The following NISCH variants were observed in gnomAD, a reference collection of about 807,000 sequenced individuals.
The protein encoded by NISCH is nischarin.
In NISCH, 55 loss-of-function variants were observed where a neutral mutation model predicts 138.4. The ratio of observed to expected loss-of-function variants is 0.40; its 90% confidence interval spans 0.32 to 0.50. NISCH has a LOEUF of 0.50. Ranked by LOEUF, NISCH falls within the 20% of genes least tolerant of loss-of-function variation. The pLI, the probability that NISCH is intolerant of heterozygous loss-of-function variation, is 0.71. For synonymous variants in NISCH, 860 were observed against 861.5 expected (o/e 1.00, Z 0.03); for missense variants, 1,643 against 2,005.5 (o/e 0.82, Z 3.45).
At chr3:52,491,798 C>G in intron 20 of NISCH, 74 bp from the exon 21 acceptor site, 1 of 1,508,804 alleles carries the variant, frequency 6.6e-7, no homozygotes, top group East Asian at 2.3e-5. Context: ...TCTCGGTTGG[C>G]TTGGGGCCCT....
chr3:52,487,881 G>T lies in NISCH; in HGVS notation c.2389G>T (p.Ala797Ser), dbSNP rs142256480. ...SENTLFIISD[A>S]ANLHEFHADL... The stretch of plus-strand genomic sequence containing the variant: ...GAACACGCTCTTCATTATCTCGGAC[G>T]CCGCCAACCTGCACGAGTTCCACGC... Residue 797 changes from alanine to serine, a missense_variant, in exon 16 of 21, where the codon GCC becomes TCC. Ala to Ser is a moderately conservative substitution (Grantham distance 99). Coordinates refer to ENST00000345716, the MANE Select transcript of NISCH (RefSeq NM_007184.4). The surrounding 1 kb of genome is among the most constrained non-coding windows in gnomAD (Gnocchi z 9.1). 1.9e-6 allele frequency: 3 copies of T among 1,612,256 alleles called. No individual in the cohort carries two copies. In the African/African-American group the frequency reaches 4.0e-5, roughly 22 times the overall value.
intron 2 of NISCH, among the ~76,000 whole-genome samples, chr3:52,458,334 T>C (rs1706533882): frequency 6.6e-6 from 1 of 152,218 alleles, no homozygotes; most frequent in Non-Finnish European, 1.5e-5. Context: ...GCAGCATAAC[T>C]GTTTTAAAGA....
At chr3:52,476,916 C>T (rs901827374) in intron 8 of NISCH, among the ~76,000 whole-genome samples, 1 of 152,126 alleles carries the variant, frequency 6.6e-6, no homozygotes, top group Non-Finnish European at 1.5e-5. Flanking sequence ...CACCTGTAAT[C>T]CCAGCTACTT....
chr3:52,466,014 T>C (rs1706769509), intron 3 of NISCH, among the ~76,000 whole-genome samples: 2 of 152,248 alleles, frequency 1.3e-5, no homozygotes, highest in Non-Finnish European at 2.9e-5. Flanking sequence ...CTTTTCAAAA[T>C]TTGGAATCAG....
rs779409445 is a variant in NISCH at position 52,487,551 on chromosome 3, C to T, written c.2059C>T (p.Arg687Cys). 12 of 1,610,186 alleles carry T rather than the reference C, an allele frequency of 7.5e-6. No homozygotes were observed. The highest frequency in any genetic ancestry group is 1.1e-5 in the South Asian group (1 of 90,934). ...EEEDEEAEEE[R>C]LALEWALGAD... ...GGAGGATGAAGAGGCCGAGGAGGAG[C>T]GCCTGGCTCTGGAATGGGCCCTGGG... Residue 687 changes from arginine (R) to cysteine (C), a missense_variant, in exon 16 of 21, where the codon CGC (arginine) becomes TGC (cysteine). Physicochemically the swap from Arg to Cys is radical, Grantham distance 180. Coordinates refer to ENST00000345716, the MANE Select transcript of NISCH (RefSeq NM_007184.4). The surrounding 1 kb of genome is among the most constrained non-coding windows in gnomAD (Gnocchi z 9.1).
chr3:52,455,646 C>A lies in NISCH; in HGVS notation c.5C>A (p.Ala2Glu). 1 of 1,338,838 alleles carries A rather than the reference C, an allele frequency of 7.5e-7. No homozygotes were observed. The highest frequency in any genetic ancestry group is 9.6e-7 in the Non-Finnish European group (1 of 1,036,908). 82.9% of individuals were successfully genotyped at this position (1,338,838 alleles called of 1,614,324 possible). A position where few individuals can be genotyped will look rare whatever the true frequency, so the allele number is the denominator to read the frequency against. ...GGTGGCGGCGGAGACCCGAACATGG[C>A]GACCGCGCGCACCTTCGGGCCCGAG... M[A>E]TARTFGPERE... Residue 2 changes from alanine to glutamate, a missense_variant, in exon 1 of 21, where the codon GCG (alanine) becomes GAG (glutamate). Physicochemically the swap from Ala to Glu is moderately radical, Grantham distance 107. Coordinates refer to ENST00000345716, the MANE Select transcript of NISCH (RefSeq NM_007184.4).
At chr3:52,461,009 A>C (rs1706616831) in intron 3 of NISCH, among the ~76,000 whole-genome samples, 1 of 152,074 alleles carries the variant, frequency 6.6e-6, no homozygotes, top group Admixed American at 6.6e-5. Flanking sequence ...GAAGGCCCAG[A>C]CAGGCAGATC....
chr3:52,488,411 G>A lies in NISCH; in HGVS notation c.2919G>A (p.Glu973=). ...CCTTTGCTGATGGCCACGTGCTAGA[G>A]CTGCTCGTGGGGTACCGCTTTGTCA... The part of the protein sequence containing the change: ...RGAFADGHVL[E]LLVGYRFVTA... The change falls in exon 16 of 21, where the codon GAG becomes GAA. Residue 973 remains glutamate, a synonymous_variant. Transcript: ENST00000345716. 1 of 1,613,818 alleles carries A rather than the reference G, an allele frequency of 6.2e-7. No individual in the cohort carries two copies. The highest frequency in any genetic ancestry group is 8.5e-7 in the Non-Finnish European group (1 of 1,180,018).
chr3:52,465,327 T>C (rs1336601542), intron 3 of NISCH, among the ~76,000 whole-genome samples: 1 of 150,066 alleles, frequency 6.7e-6, no homozygotes, highest in Non-Finnish European at 1.5e-5. Context: ...ATGGGGTTTC[T>C]CCATGTTGCC....
rs1412383320 is a variant in NISCH, at chr3:52,492,620, G to A, written c.*138G>A. 10 of 1,120,872 alleles carry A rather than the reference G, an allele frequency of 8.9e-6. No homozygotes were observed. Among genetic ancestry groups the A allele is most frequent in the Admixed American group, 2.9e-5 (1 of 34,554 alleles). The allele number at this position is 1,120,872 out of a possible 1,614,324, so 69.4% of individuals were successfully genotyped here. On this transcript the variant is annotated 3_prime_UTR_variant, in exon 21 of 21. Coordinates refer to ENST00000345716, the MANE Select transcript of NISCH (RefSeq NM_007184.4). ...GTCCTCGCAGAGAATGTGAACATGT[G>A]TGTGTGTTGTGTTAATTCTTTCTCA...
In NISCH at chr3:52,471,804, G is replaced by A. The variant is rs751807192; in HGVS notation, c.410-10G>A. The A allele has an allele frequency of 6.2e-7, 1 of 1,613,924 alleles. No homozygotes were observed. The highest frequency in any genetic ancestry group is 2.2e-5 in the East Asian group (1 of 44,882). ...CTGGACACTTATCCTTCAGGGCATG[G>A]CTCTTGCAGGAGAACAGCTCCTGGG... On this transcript the variant is annotated splice_polypyrimidine_tract_variant and intron_variant, in intron 4 of 20. Coordinates refer to ENST00000345716, the MANE Select transcript of NISCH (RefSeq NM_007184.4).
At chr3:52,476,313 C>A in intron 7 of NISCH, 134 bp from the exon 8 acceptor site, 1 of 916,048 alleles carries the variant, frequency 1.1e-6, no homozygotes, top group Non-Finnish European at 1.7e-6. Context: ...GAACCAAAGG[C>A]ATGCTTTAAT....
intron 13 of NISCH, chr3:52,484,206 G>T: frequency 3.0e-6 from 1 of 330,354 alleles, no homozygotes; most frequent in African/African-American, 2.1e-5. Context: ...ATCTATCCTG[G>T]TTTTTAAAAA....
chr3:52,485,847 G>C lies in NISCH; in HGVS notation c.1703+20G>C. ...TGCAAGGTAAGGAAGAGGTTGGAAA[G>C]GGACCTGGGCCTGGCCACACAGCCT... On this transcript the variant is annotated intron_variant, in intron 15 of 20. Coordinates refer to ENST00000345716, the MANE Select transcript of NISCH (RefSeq NM_007184.4). The C allele has an allele frequency of 6.4e-7, 1 of 1,568,858 alleles. No homozygotes were observed. Among genetic ancestry groups the C allele is most frequent in the Non-Finnish European group, 8.7e-7 (1 of 1,155,580 alleles).
Position 52,489,566 on chromosome 3 carries a change from C to A in NISCH, c.3344C>A (p.Thr1115Asn). The change falls in exon 17 of 21, where the codon ACC becomes AAC. Residue 1115 changes from threonine (T) to asparagine (N), a missense_variant. Thr to Asn is a moderately conservative substitution (Grantham distance 65, BLOSUM62 0). Coordinates refer to ENST00000345716, the MANE Select transcript of NISCH (RefSeq NM_007184.4). ...QYPSEHLIQA[T>N]SEENQIPSHL... is the part of the protein sequence containing the mutation. ...CCGAGTGAGCACCTCATCCAGGCCACCTCGGAGGAGAATCAGATCCCCTCG... is the reference window on the plus strand; with the variant it reads ...CCGAGTGAGCACCTCATCCAGGCCAACTCGGAGGAGAATCAGATCCCCTCG... 6.2e-7 allele frequency: 1 copy of A among 1,613,290 alleles called. No individual in the cohort carries two copies. Among genetic ancestry groups the A allele is most frequent in the Non-Finnish European group, 8.5e-7 (1 of 1,179,996 alleles).
rs900048752 is a variant in NISCH, at chr3:52,471,897, A to G, written c.493A>G (p.Lys165Glu). 1 of 1,613,204 alleles carries G rather than the reference A, an allele frequency of 6.2e-7. No individual in the cohort carries two copies. The highest frequency in any genetic ancestry group is 1.3e-5 in the African/African-American group (1 of 74,918). ...YAVTEQLQQGKPTCASGDAKT... is the reference protein window; with the variant it reads ...YAVTEQLQQGEPTCASGDAKT... The stretch of plus-strand genomic sequence containing the variant: ...CGTCACGGAGCAGCTGCAGCAGGGA[A>G]AGCCCACGTGCGCCAGTGGGGATGC... The change falls in exon 5 of 21, where the codon AAG becomes GAG. Residue 165 changes from lysine to glutamate, a missense_variant. Coordinates refer to ENST00000345716, the MANE Select transcript of NISCH (RefSeq NM_007184.4).
In NISCH at chr3:52,491,522, G is replaced by C; in HGVS notation, c.3904+9G>C. The C allele has an allele frequency of 6.2e-7, 1 of 1,606,668 alleles. No individual in the cohort carries two copies. Among genetic ancestry groups the C allele is most frequent in the Non-Finnish European group, 8.5e-7 (1 of 1,175,854 alleles). On this transcript the variant is annotated intron_variant, in intron 20 of 20. Transcript: ENST00000345716. ...TGGGAACAAGACCACAGGTACCCCT[G>C]TCTAGCTCAGGCTGCAGACAGGCTG...
intron 3 of NISCH, among the ~76,000 whole-genome samples, chr3:52,467,173 G>A (rs1358125592): frequency 6.6e-6 from 1 of 151,748 alleles, no homozygotes; most frequent in South Asian, 2.1e-4. Context: ...GCTAATTTTT[G>A]TATTTTTAGT....
intron 13 of NISCH, chr3:52,481,834 G>T (rs1707284617): frequency 1.0e-6 from 1 of 985,396 alleles, no homozygotes; most frequent in African/African-American, 1.7e-5. Flanking sequence ...GCACTCTGCA[G>T]TCTGTCCCCG....
Sources: gnomAD v4.1 joint callset for allele counts (sites outside exome capture counted in the v4.1 genomes callset) on GRCh38, gnomAD v4.1.1 for gene constraint, Gnocchi (gnomAD v3.1) non-coding constraint, MANE v1.5 for transcripts, NCBI Gene and HGNC (gene_info 2026-07-23, HGNC 2026-07-21) for gene names.